SERPINI2: variants seen among roughly 807,000 people sequenced by gnomAD.
SERPINI2 encodes serpin I2.
In SERPINI2, 48 loss-of-function variants were observed where a neutral mutation model predicts 47.3. That is an observed-to-expected ratio of 1.02 (90% CI 0.81 to 1.29). SERPINI2 has a LOEUF of 1.29. Ranked by LOEUF, SERPINI2 falls within the 50% of genes most tolerant of loss-of-function variation. The probability of loss-of-function intolerance (pLI) is 0.00; values close to 1 mark genes in which losing one functional copy is unlikely to be tolerated. For synonymous variants in SERPINI2, 135 were observed against 149.3 expected, an observed-to-expected ratio of 0.90 and a Z score of 0.70; for missense variants, 448 against 456.9, an observed-to-expected ratio of 0.98 and a Z score of 0.18.
chr3:167,448,315 C>T (rs1021431795), intron 7 of SERPINI2, among the ~76,000 whole-genome samples: 4 of 152,134 alleles, frequency 2.6e-5, no homozygotes, highest in Non-Finnish European at 5.9e-5. Flanking sequence ...GCATTTCTAA[C>T]GAGTTCCCAA....
upstream of SERPINI2, among the ~76,000 whole-genome samples, chr3:167,476,898 T>A (rs1000983032): frequency 6.6e-6 from 1 of 152,016 alleles, no homozygotes; most frequent in Non-Finnish European, 1.5e-5. Flanking sequence ...ATTCTACTTT[T>A]ATAACATCTT....
chr3:167,471,853 T>C lies in SERPINI2; in HGVS notation c.-10-9A>G, dbSNP rs1008046346. On this transcript the variant is annotated splice_polypyrimidine_tract_variant and intron_variant, in intron 1 of 8. Coordinates refer to ENST00000264677, the Ensembl canonical transcript of SERPINI2. ...TGTCCATTTTGACTTCTCTGTATTG[T>C]TTAAATCAAAATATATTCATTTTCA... 1.3e-6 allele frequency: 2 copies of C among 1,588,756 alleles called. No homozygotes were observed. Among genetic ancestry groups the C allele is most frequent in the Non-Finnish European group, 1.7e-6 (2 of 1,161,668 alleles).
intron 3 of SERPINI2, among the ~76,000 whole-genome samples, 160 bp downstream of exon 3, chr3:167,466,895 C>T (rs1750148221): frequency 6.6e-6 from 1 of 151,994 alleles, no homozygotes; most frequent in African/African-American, 2.4e-5. Flanking sequence ...TCCAGTTTTA[C>T]AATTTAATAT....
chr3:167,472,452 A>G (rs1226434769), intron 1 of SERPINI2, among the ~76,000 whole-genome samples: 1 of 152,062 alleles, frequency 6.6e-6, no homozygotes, highest in East Asian at 1.9e-4. Flanking sequence ...GAAAACCTGC[A>G]AAGTTTGAAA....
chr3:167,476,005 T>C (rs1750472823), upstream of SERPINI2, among the ~76,000 whole-genome samples: 1 of 151,816 alleles, frequency 6.6e-6, no homozygotes, highest in African/African-American at 2.4e-5. Flanking sequence ...TCAGGCAATT[T>C]TTTTTGGTAA....
exon 3 of SERPINI2, chr3:167,467,090 T>C (rs9841174): frequency 0.38 from 616,266 of 1,611,696 alleles, 119,234 homozygotes; most frequent in East Asian, 0.49. Flanking sequence ...ACTTATCATC[T>C]CTGCACAAGC....
At position 167,470,550 on chromosome 3, in the gene SERPINI2, C is replaced by CTTTTTTTTTTTTT. The variant is rs536884425; in HGVS notation, c.247+1025_247+1037dup. Among the ~76,000 whole-genome samples, 464 of 93,004 alleles carry CTTTTTTTTTTTTT rather than the reference C, an allele frequency of 5.0e-3. 64 individuals carry two copies. The highest frequency in any genetic ancestry group is 0.025 in the African/African-American group (448 of 17,596). The allele number at this position is 93,004 out of a possible 152,430, so 61.0% of individuals were successfully genotyped here. On this transcript the variant is annotated intron_variant, in intron 2 of 8. Transcript: ENST00000264677. ...AGATAGCTGAGGAGATGAGCAACAA[C>CTTTTTTTTTTTTT]TTTTTTTTTTTTTTTTTTTTTTTTT...
intron 5 of SERPINI2, among the ~76,000 whole-genome samples, chr3:167,457,175 G>C (rs1325665069): frequency 6.6e-6 from 1 of 152,180 alleles, no homozygotes; most frequent in African/African-American, 2.4e-5. Context: ...TAGAACTGTA[G>C]TGCTTAACAA....
intron 6 of SERPINI2, among the ~76,000 whole-genome samples, chr3:167,450,255 T>C (rs1484288981): frequency 6.6e-6 from 1 of 152,258 alleles, no homozygotes; most frequent in Non-Finnish European, 1.5e-5. Context: ...TGTTAAAATT[T>C]TCAGCATAAG....
At chr3:167,465,830 T>G (rs369969186) in intron 3 of SERPINI2, among the ~76,000 whole-genome samples, 157 bp from the exon 4 acceptor site, 1 of 152,130 alleles carries the variant, frequency 6.6e-6, no homozygotes, top group Non-Finnish European at 1.5e-5. Flanking sequence ...TAGACGGGAT[T>G]GCTGTTAAAT....
At chr3:167,447,054 A>G (rs1577166995) in intron 7 of SERPINI2, 1 of 152,116 alleles carries the variant, frequency 6.6e-6, no homozygotes, top group Non-Finnish European at 1.5e-5. Flanking sequence ...TATTTATATT[A>G]TGTTGCTCCA....
intron 6 of SERPINI2, among the ~76,000 whole-genome samples, chr3:167,450,251 A>C (rs1749605503): frequency 6.6e-6 from 1 of 152,224 alleles, no homozygotes; most frequent in Non-Finnish European, 1.5e-5. Flanking sequence ...AACCTGTTAA[A>C]ATTTTCAGCA....
At chr3:167,472,296 G>A (rs56254639) in intron 1 of SERPINI2, among the ~76,000 whole-genome samples, 133 of 152,130 alleles carry the variant, frequency 8.7e-4, no homozygotes, top group African/African-American at 2.8e-3. Flanking sequence ...TGTGGTTTTA[G>A]ACCTATAATA....
upstream of SERPINI2, among the ~76,000 whole-genome samples, chr3:167,475,617 A>T (rs1292013171): frequency 2.6e-5 from 4 of 151,742 alleles, no homozygotes; most frequent in Non-Finnish European, 5.9e-5. Flanking sequence ...AACCTCTTTT[A>T]ATAGACAATG....
intron 5 of SERPINI2, among the ~76,000 whole-genome samples, chr3:167,463,595 G>A (rs1181367021): frequency 1.3e-5 from 2 of 152,150 alleles, no homozygotes; most frequent in African/African-American, 4.8e-5. Context: ...GAAAAAAAGG[G>A]ATGGTTAATA....
exon 2 of SERPINI2, chr3:167,471,734 T>C: frequency 6.2e-7 from 1 of 1,613,704 alleles, no homozygotes; most frequent in Non-Finnish European, 8.5e-7. Context: ...AACCTCTTGA[T>C]AAAGATCCAC....
rs187537716 is a variant in SERPINI2 at position 167,458,475 on chromosome 3, G to A, written c.867-5442C>T. On this transcript the variant is annotated intron_variant, in intron 5 of 8. Transcript: ENST00000264677. ...GACGGGGTTTAACGGTGTGAGCCAG[G>A]ATGGTCTCGATCTCCTGACCTCGTG... Among the ~76,000 whole-genome samples, 395 of 150,950 alleles carry A rather than the reference G, an allele frequency of 2.6e-3. 1 individual carries two copies. Among genetic ancestry groups the A allele is most frequent in the Non-Finnish European group, 4.4e-3 (298 of 67,776 alleles).
chr3:167,456,116 C>T (rs988271258), intron 5 of SERPINI2, among the ~76,000 whole-genome samples: 16 of 150,908 alleles, frequency 1.1e-4, no homozygotes, highest in African/African-American at 3.9e-4. Context: ...TGTGAGTACA[C>T]AGTAAATTCT....
exon 9 of SERPINI2, chr3:167,441,979 T>C: frequency 1.7e-6 from 1 of 588,550 alleles, no homozygotes; most frequent in Non-Finnish European, 2.8e-6. Context: ...AAGACAGATA[T>C]CTATTACTAC....
Sources: gnomAD v4.1 joint callset for allele counts (sites outside exome capture counted in the v4.1 genomes callset) on GRCh38, gnomAD v4.1.1 for gene constraint, MANE v1.5 for transcripts, NCBI Gene and HGNC (gene_info 2026-07-23, HGNC 2026-07-21) for gene names.